LRRC59: variants seen among roughly 807,000 people sequenced by gnomAD.
LRRC59 encodes leucine rich repeat containing 59.
In LRRC59, 18 loss-of-function variants were observed where a neutral mutation model predicts 33.5. The observed-to-expected ratio is 0.54, with a 90% CI of 0.37 to 0.80. The LOEUF (loss-of-function observed/expected upper bound fraction) is 0.80. Ranked by LOEUF, LRRC59 falls within the 30% of genes least tolerant of loss-of-function variation. The pLI, the probability that LRRC59 is intolerant of heterozygous loss-of-function variation, is 0.00. For synonymous variants in LRRC59, 138 were observed against 160.0 expected (o/e 0.86, Z 1.04); for missense variants, 330 against 391.9 (o/e 0.84, Z 1.33).
At chr17:50,392,148 C>T (rs965055328) in intron 4 of LRRC59, among the ~76,000 whole-genome samples, 17 of 152,102 alleles carry the variant, frequency 1.1e-4, no homozygotes, top group East Asian at 1.9e-4. Context: ...TGGAGTGGGC[C>T]GAGATTGTGC....
In LRRC59 at chr17:50,396,814, C is replaced by T. The variant is rs555337736; in HGVS notation, c.105+399G>A. 3.0e-5 allele frequency: 8 copies of T among 263,548 alleles called. No individual in the cohort carries two copies. In the East Asian group the frequency reaches 5.4e-4, roughly 18 times the overall value. The allele number at this position is 263,548 out of a possible 1,614,324, so 16.3% of individuals were successfully genotyped here. On this transcript the variant is annotated intron_variant, in intron 1 of 6. Transcript: ENST00000225972. Reference sequence around the variant, plus strand: ...TAGAAGAGCCAGGTTCTGGGCCACACCCAGGTCTACCAGGAGGCCTACTCC... The same window carrying T: ...TAGAAGAGCCAGGTTCTGGGCCACATCCAGGTCTACCAGGAGGCCTACTCC...
Position 50,382,550 on chromosome 17 carries a change from CG to C in LRRC59, c.*437del, listed in dbSNP as rs954520488. ...CCCAGTTTAGACTGGATTTACTGAG[CG>C]TGGTGTTCTAGTCCCCCCCAGTTCC... On this transcript the variant is annotated 3_prime_UTR_variant, in exon 7 of 7. Transcript: ENST00000225972. 6 of 172,908 alleles carry C rather than the reference CG, an allele frequency of 3.5e-5. No homozygotes were observed. Among genetic ancestry groups the C allele is most frequent in the African/African-American group, 1.4e-4 (6 of 41,864 alleles). The allele number at this position is 172,908 out of a possible 1,614,324, so 10.7% of individuals were successfully genotyped here.
intron 5 of LRRC59, among the ~76,000 whole-genome samples, chr17:50,385,828 G>C (rs1205906779): frequency 6.6e-6 from 1 of 152,188 alleles, no homozygotes; most frequent in African/African-American, 2.4e-5. Flanking sequence ...GGGAGGTGAA[G>C]CTGGGAGTAT....
Position 50,383,200 on chromosome 17 carries a change from G to C in LRRC59, c.712C>G (p.Pro238Ala). 2.6e-6 allele frequency: 4 copies of C among 1,556,596 alleles called. No homozygotes were observed. The highest frequency in any genetic ancestry group is 1.2e-5 in the South Asian group (1 of 84,504). Residue 238 changes from proline to alanine, a missense_variant, in exon 7 of 7, where the codon CCC becomes GCC. By Grantham distance (27) the Pro-to-Ala change is conservative (BLOSUM62 -1). Transcript: ENST00000225972. ...KSGSRPRKPP[P>A]RKHTRSWAVL... Reference sequence around the variant, plus strand: ...GCCCAGGAACGAGTGTGCTTCCGGGGTGGTGGCTTGCGGGGACGGGAGCCA... The same window carrying C: ...GCCCAGGAACGAGTGTGCTTCCGGGCTGGTGGCTTGCGGGGACGGGAGCCA...
rs1312299904 is a variant in LRRC59, at chr17:50,392,519, T to G, written c.325-17A>C. ...CTTCAGGTTCTAAAGAGATGGGCGATGGGCAAAGAGGCTCATTAAGCCCGA... is the reference window on the plus strand; with the variant it reads ...CTTCAGGTTCTAAAGAGATGGGCGAGGGGCAAAGAGGCTCATTAAGCCCGA... On this transcript the variant is annotated splice_polypyrimidine_tract_variant and intron_variant, in intron 3 of 6. Transcript: ENST00000225972. The G allele has an allele frequency of 6.3e-7, 1 of 1,598,118 alleles. No individual in the cohort carries two copies. Among genetic ancestry groups the G allele is most frequent in the African/African-American group, 1.3e-5 (1 of 74,602 alleles).
chr17:50,382,705 A>G lies in LRRC59; in HGVS notation c.*283T>C. 2.2e-6 allele frequency: 1 copy of G among 457,446 alleles called. No homozygotes were observed. The highest frequency in any genetic ancestry group is 4.0e-5 in the Admixed American group (1 of 25,054). The allele number at this position is 457,446 out of a possible 1,614,324, so 28.3% of individuals were successfully genotyped here. The stretch of plus-strand genomic sequence containing the variant: ...TACACAGCTTTATATAACAACTAGA[A>G]AAGGCTATGTTTTCTCTCTCCCCAC... On this transcript the variant is annotated 3_prime_UTR_variant, in exon 7 of 7. Coordinates refer to ENST00000225972, the MANE Select transcript of LRRC59 (RefSeq NM_018509.4).
chr17:50,383,048 G>T lies in LRRC59; in HGVS notation c.864C>A (p.Val288=). The T allele has an allele frequency of 6.2e-7, 1 of 1,612,802 alleles. No individual in the cohort carries two copies. Among genetic ancestry groups the T allele is most frequent in the South Asian group, 1.1e-5 (1 of 90,876 alleles). ...GGATCTCATGGCGGCGTAGACCCTG[G>T]ACCGCATTGTCATAGATGGTGTTCA... ...TSVNTIYDNA[V]QGLRRHEILQ... is the part of the protein sequence containing the mutation. The change falls in exon 7 of 7, where the codon GTC becomes GTA. Residue 288 remains valine, a synonymous_variant. Coordinates refer to ENST00000225972, the MANE Select transcript of LRRC59 (RefSeq NM_018509.4).
chr17:50,389,054 G>A (rs537939388), intron 4 of LRRC59, among the ~76,000 whole-genome samples: 7 of 152,302 alleles, frequency 4.6e-5, no homozygotes, highest in African/African-American at 1.7e-4. Context: ...AGACTCATAG[G>A]GTGATTTGTC....
intron 6 of LRRC59, 123 bp from the exon 7 acceptor site, chr17:50,383,358 G>A (rs892125691): frequency 1.6e-6 from 2 of 1,259,490 alleles, no homozygotes; most frequent in Non-Finnish European, 2.1e-6. Context: ...AAACTCCCCA[G>A]GCCCTGAAGA....
intron 2 of LRRC59, 33 bp downstream of exon 2, chr17:50,394,896 C>G (rs749116732): frequency 6.6e-7 from 1 of 1,513,768 alleles, no homozygotes; most frequent in Non-Finnish European, 9.1e-7. Flanking sequence ...ATCCAAGGCA[C>G]CAGAAGGAGT....
At chr17:50,393,140 A>G (rs1233154869) in intron 2 of LRRC59, among the ~76,000 whole-genome samples, 1 of 152,216 alleles carries the variant, frequency 6.6e-6, no homozygotes, top group Non-Finnish European at 1.5e-5. Flanking sequence ...ACTTCGGTGT[A>G]ACAGTCTGGA....
Position 50,381,687 on chromosome 17 carries a change from GA to G in LRRC59, c.*1300del, listed in dbSNP as rs1913853247. On this transcript the variant is annotated 3_prime_UTR_variant, in exon 7 of 7. Coordinates refer to ENST00000225972, the MANE Select transcript of LRRC59 (RefSeq NM_018509.4). ...GGGGAGCCAAGGAGCTTGCAACTGG[GA>G]GTTTGCAGTGAATGAGCACCATGAC... 6.6e-6 allele frequency: 1 copy of G among 152,666 alleles called. No individual in the cohort carries two copies. The highest frequency in any genetic ancestry group is 2.4e-5 in the African/African-American group (1 of 41,474). The allele number at this position is 152,666 out of a possible 1,614,324, so 9.5% of individuals were successfully genotyped here. A position where few individuals can be genotyped will look rare whatever the true frequency, so the allele number is the denominator to read the frequency against.
chr17:50,384,486 C>G (rs1913952167), intron 6 of LRRC59, among the ~76,000 whole-genome samples: 1 of 152,146 alleles, frequency 6.6e-6, no homozygotes, highest in African/African-American at 2.4e-5. Flanking sequence ...AGTAAACTTG[C>G]CGGGCACAGT....
At chr17:50,388,153 A>G in intron 4 of LRRC59, 21 bp from the exon 5 acceptor site, 1 of 1,610,270 alleles carries the variant, frequency 6.2e-7, no homozygotes, top group Non-Finnish European at 8.5e-7. Context: ...AAAGGAGGAA[A>G]GTAGTGCTCT....
intron 4 of LRRC59, among the ~76,000 whole-genome samples, chr17:50,391,396 C>T (rs1914140185): frequency 6.6e-6 from 1 of 152,230 alleles, no homozygotes; most frequent in African/African-American, 2.4e-5. Context: ...AGCAGAGACT[C>T]ATCATTCACC....
intron 2 of LRRC59, among the ~76,000 whole-genome samples, chr17:50,393,404 A>C (rs1027478995): frequency 1.5e-5 from 2 of 130,542 alleles, no homozygotes; most frequent in Non-Finnish European, 3.6e-5. Context: ...CCCTATGCTC[A>C]CCATTCATAG....
intron 5 of LRRC59, among the ~76,000 whole-genome samples, chr17:50,386,434 C>G (rs1016256352): frequency 1.3e-5 from 2 of 152,184 alleles, no homozygotes; most frequent in African/African-American, 4.8e-5. Flanking sequence ...TACATTTTGC[C>G]AAAGCCAGAA....
intron 4 of LRRC59, among the ~76,000 whole-genome samples, chr17:50,389,485 T>A (rs560629374): frequency 5.3e-5 from 8 of 152,170 alleles, no homozygotes; most frequent in Non-Finnish European, 1.0e-4. Flanking sequence ...TATGGAGTGT[T>A]GTGAAGAATA....
At chr17:50,396,965 C>A (rs1476550574) in intron 1 of LRRC59, 5 of 405,328 alleles carry the variant, frequency 1.2e-5, no homozygotes, top group Non-Finnish European at 2.2e-5. Context: ...CGCTTCTTAG[C>A]CTGTAAAAAG....
Sources: allele counts gnomAD v4.1 joint callset (sites outside exome capture counted in the v4.1 genomes callset), GRCh38; gene constraint gnomAD v4.1.1; transcripts MANE v1.5; gene names NCBI Gene and HGNC (gene_info 2026-07-23, HGNC 2026-07-21).